The following PRKN variants were observed in gnomAD, a reference collection of about 807,000 sequenced individuals.
The protein encoded by PRKN is parkin RBR E3 ubiquitin protein ligase, also known as E3 ubiquitin-protein ligase parkin.
PRKN carries 56 observed loss-of-function variants against 59.5 expected under a neutral mutation model. That is an observed-to-expected ratio of 0.94 (90% CI 0.76 to 1.18). The LOEUF (loss-of-function observed/expected upper bound fraction) is 1.18, where lower values mean the gene tolerates loss of function less well. PRKN is among the 50% of genes most tolerant of loss of function. PRKN has a pLI of 0.00. For missense variants in PRKN, 657 were observed against 596.4 expected, an observed-to-expected ratio of 1.10 and a Z score of -1.06; for synonymous variants, 250 against 222.1, an observed-to-expected ratio of 1.13 and a Z score of -1.12.
rs1030811289 is a variant in PRKN at position 161,348,327 on chromosome 6, T to C, written c.*1772A>G. The C allele has an allele frequency of 1.4e-5, 3 of 209,170 alleles. No homozygotes were observed. The highest frequency in any genetic ancestry group is 2.9e-5 in the Non-Finnish European group (3 of 102,858). The allele number at this position is 209,170 out of a possible 1,614,324, so 13.0% of individuals were successfully genotyped here. On this transcript the variant is annotated 3_prime_UTR_variant, in exon 12 of 12. Coordinates refer to ENST00000366898, the MANE Select transcript of PRKN (RefSeq NM_004562.3). This position sits in a 1 kb window ranked among gnomAD's most constrained non-coding sequence, Gnocchi z 4.9. ...CTCATGCCTGCCACCTCTCTTTTTT[T>C]CCCTTACTATAGAGACTTTGATCTG...
In PRKN at chr6:162,512,208, T is replaced by C. The variant is rs184845881; in HGVS notation, c.8-68735A>G. ...GCTTCTCCTTACTAAAAATGGGTTG[T>C]GTCATTTCTTATTACAACAAAAGAT... On this transcript the variant is annotated intron_variant, in intron 1 of 11. Transcript: ENST00000366898. Among the ~76,000 whole-genome samples, 42 of 152,314 alleles carry C rather than the reference T, an allele frequency of 2.8e-4. No individual in the cohort carries two copies. The East Asian group carries it at 6.0e-3, about 22-fold the overall frequency.
intron 7 of PRKN, among the ~76,000 whole-genome samples, chr6:161,621,587 T>TC (rs1782900744): frequency 6.6e-6 from 1 of 152,082 alleles, no homozygotes; most frequent in Non-Finnish European, 1.5e-5. Flanking sequence ...ATCTTCCCCT[T>TC]CCCCAATCAA....
intron 2 of PRKN, among the ~76,000 whole-genome samples, chr6:162,308,277 C>T (rs1782323122): frequency 1.3e-5 from 2 of 151,844 alleles, no homozygotes; most frequent in African/African-American, 4.8e-5. Context: ...TGCATCTCTG[C>T]TAAGAAAGAA....
intron 7 of PRKN, among the ~76,000 whole-genome samples, chr6:161,650,691 T>A (rs572742360): frequency 6.6e-6 from 1 of 152,292 alleles, no homozygotes; most frequent in South Asian, 2.1e-4. Flanking sequence ...TTTCGGCAAA[T>A]CTCATATCTA....
intron 6 of PRKN, among the ~76,000 whole-genome samples, chr6:161,892,298 G>T (rs956484136): frequency 1.3e-5 from 2 of 151,654 alleles, no homozygotes; most frequent in Admixed American, 1.3e-4. Flanking sequence ...AGCCACAGTG[G>T]TTCACACCTG....
chr6:161,702,038 C>T (rs1786274113), intron 7 of PRKN, among the ~76,000 whole-genome samples: 1 of 152,130 alleles, frequency 6.6e-6, no homozygotes, highest in Non-Finnish European at 1.5e-5. Flanking sequence ...ACAGTTAATT[C>T]TGGCTTTCTG....
At chr6:162,491,095 CTCTG>C (rs1330814789) in intron 1 of PRKN, among the ~76,000 whole-genome samples, 1 of 143,326 alleles carries the variant, frequency 7.0e-6, no homozygotes, top group African/African-American at 2.7e-5. Context: ...AAGAGTGAAA[CTCTG>C]TCTCAGAAAA....
At chr6:161,710,945 C>CTTCT (rs138018901) in intron 7 of PRKN, among the ~76,000 whole-genome samples, 2 of 148,120 alleles carry the variant, frequency 1.4e-5, no homozygotes, top group Non-Finnish European at 3.0e-5. Flanking sequence ...TCCTTCCTTC[C>CTTCT]CCACTCCCTC....
intron 2 of PRKN, among the ~76,000 whole-genome samples, chr6:162,395,579 A>G (rs559763761): frequency 6.6e-6 from 1 of 152,320 alleles, no homozygotes; most frequent in Non-Finnish European, 1.5e-5. Context: ...GACCTACGCA[A>G]ACCATGAAAG....
At chr6:161,658,008 T>C (rs1784410786) in intron 7 of PRKN, among the ~76,000 whole-genome samples, 1 of 38,362 alleles carries the variant, frequency 2.6e-5, no homozygotes, top group Non-Finnish European at 6.9e-5. Flanking sequence ...AGACTGAGAC[T>C]CTGTCTCAAA....
At chr6:161,916,323 AAAGAC>A (rs1372746053) in intron 6 of PRKN, among the ~76,000 whole-genome samples, 8 of 152,372 alleles carry the variant, frequency 5.3e-5, no homozygotes, top group African/African-American at 1.7e-4. Context: ...ATAATTGGAC[AAAGAC>A]AATAAAAAAT....
intron 3 of PRKN, among the ~76,000 whole-genome samples, chr6:162,229,471 C>T (rs1778324788): frequency 6.6e-6 from 1 of 152,218 alleles, no homozygotes; most frequent in South Asian, 2.1e-4. Flanking sequence ...TTCAGCCTGC[C>T]TGAGCCATTT....
chr6:162,511,250 T>C (rs1323450912), intron 1 of PRKN, among the ~76,000 whole-genome samples: 1 of 152,190 alleles, frequency 6.6e-6, no homozygotes, highest in Non-Finnish European at 1.5e-5. Context: ...TGGTATTACT[T>C]ACTAATTGTG....
intron 6 of PRKN, among the ~76,000 whole-genome samples, chr6:161,796,722 C>T (rs1490236505): frequency 3.3e-5 from 5 of 152,008 alleles, no homozygotes; most frequent in East Asian, 1.9e-4. Context: ...TTCAGACTGT[C>T]GATATGTATA....
At chr6:161,968,943 T>C (rs1012324845) in intron 6 of PRKN, among the ~76,000 whole-genome samples, 1 of 152,242 alleles carries the variant, frequency 6.6e-6, no homozygotes, top group African/African-American at 2.4e-5. Flanking sequence ...GGAGAAAGTT[T>C]CACATTGTTC....
intron 2 of PRKN, among the ~76,000 whole-genome samples, chr6:162,276,968 C>G (rs566867525): frequency 6.6e-6 from 1 of 152,038 alleles, no homozygotes; most frequent in East Asian, 1.9e-4. Context: ...AGATTGATAA[C>G]AGGTTATAAT....
At chr6:161,572,273 T>C (rs1780919755) in intron 7 of PRKN, among the ~76,000 whole-genome samples, 1 of 152,176 alleles carries the variant, frequency 6.6e-6, no homozygotes. Flanking sequence ...GTTGAGAAAG[T>C]GCTTCACAAA....
At chr6:161,753,237 G>A (rs1788769057) in intron 7 of PRKN, among the ~76,000 whole-genome samples, 1 of 152,176 alleles carries the variant, frequency 6.6e-6, no homozygotes, top group Non-Finnish European at 1.5e-5. Context: ...GAGAAGTCTG[G>A]TTGGGGAGGA....
chr6:161,978,073 G>T (rs1200102488), intron 5 of PRKN, among the ~76,000 whole-genome samples: 1 of 148,606 alleles, frequency 6.7e-6, no homozygotes, highest in Non-Finnish European at 1.5e-5. Flanking sequence ...TTTGAGATGG[G>T]AGTTTTGCTC....
Sources: gnomAD v4.1 joint callset for allele counts (sites outside exome capture counted in the v4.1 genomes callset) on GRCh38, gnomAD v4.1.1 for gene constraint, Gnocchi (gnomAD v3.1) non-coding constraint, MANE v1.5 for transcripts, NCBI Gene and HGNC (gene_info 2026-07-23, HGNC 2026-07-21) for gene names.